Variants in ZMIZ1 observed in about 807,000 individuals in gnomAD.
ZMIZ1 encodes the protein zinc finger MIZ domain-containing protein 1.
Under a neutral mutation model 113.9 loss-of-function variants are expected in ZMIZ1, and 17 were observed. The ratio of observed to expected loss-of-function variants is 0.15; its 90% CI spans 0.10 to 0.22. The LOEUF (loss-of-function observed/expected upper bound fraction) is 0.22, where lower values mean the gene tolerates loss of function less well. ZMIZ1 is among the 10% of genes least tolerant of loss of function. ZMIZ1 has a pLI of 1.00. For synonymous variants in ZMIZ1, 607 were observed against 603.1 expected, an observed-to-expected ratio of 1.01 and a Z score of -0.09; for missense variants, 1,059 against 1,477.8, an observed-to-expected ratio of 0.72 and a Z score of 4.65.
chr10:79,222,360 C>T (rs2132738827), intron 7 of ZMIZ1, among the ~76,000 whole-genome samples: 1 of 152,304 alleles, frequency 6.6e-6, no homozygotes, highest in Middle Eastern at 3.4e-3. Context: ...CCTCCCCATC[C>T]TTCTCTATTG....
At chr10:79,303,390 GGCT>G (rs1474269454) in intron 18 of ZMIZ1, among the ~76,000 whole-genome samples, 1 of 150,476 alleles carries the variant, frequency 6.6e-6, no homozygotes, top group African/African-American at 2.5e-5. Context: ...GGGAGGTCGA[GGCT>G]GCAGTGAGCC....
intron 4 of ZMIZ1, among the ~76,000 whole-genome samples, chr10:79,173,877 A>C (rs1846706905): frequency 6.6e-6 from 1 of 152,140 alleles, no homozygotes; most frequent in Non-Finnish European, 1.5e-5. Context: ...TCTAACTTTC[A>C]AGCCTGAACC....
At chr10:79,306,529 G>A (rs1303820093) in intron 22 of ZMIZ1, among the ~76,000 whole-genome samples, 185 bp downstream of exon 22, 1 of 152,240 alleles carries the variant, frequency 6.6e-6, no homozygotes, top group Non-Finnish European at 1.5e-5. Flanking sequence ...TAGCCCAGGG[G>A]CTTCAGAGCC....
intron 4 of ZMIZ1, among the ~76,000 whole-genome samples, chr10:79,189,977 C>G (rs1847531759): frequency 6.6e-6 from 1 of 152,232 alleles, no homozygotes; most frequent in African/African-American, 2.4e-5. Flanking sequence ...GCACGCCCCT[C>G]CCATGCCATG....
chr10:79,205,501 C>A (rs1307338608), intron 5 of ZMIZ1, among the ~76,000 whole-genome samples: 1 of 152,220 alleles, frequency 6.6e-6, no homozygotes, highest in Non-Finnish European at 1.5e-5. Flanking sequence ...AAAAGAGAAA[C>A]AGAGAACCGT....
At chr10:79,298,266 G>C in intron 14 of ZMIZ1, 140 bp from the exon 15 acceptor site, 1 of 966,482 alleles carries the variant, frequency 1.0e-6, no homozygotes, top group Non-Finnish European at 1.5e-6. Flanking sequence ...CTGCGAGAGA[G>C]AAGAGTTTCC....
chr10:79,238,374 G>A (rs549142559), intron 7 of ZMIZ1, among the ~76,000 whole-genome samples: 6 of 152,292 alleles, frequency 3.9e-5, no homozygotes, highest in Admixed American at 2.6e-4. Context: ...TGGAGGATAC[G>A]CCCAGGAAGG....
chr10:79,303,756 G>A (rs923323724), intron 18 of ZMIZ1, among the ~76,000 whole-genome samples: 10 of 152,226 alleles, frequency 6.6e-5, no homozygotes, highest in Non-Finnish European at 1.5e-4. Flanking sequence ...GGCCTGCTCT[G>A]CAGAGACAGG....
At chr10:79,072,412 G>A (rs901598837) in intron 1 of ZMIZ1, among the ~76,000 whole-genome samples, 1 of 152,248 alleles carries the variant, frequency 6.6e-6, no homozygotes, top group Non-Finnish European at 1.5e-5. Context: ...CAACTGAGAA[G>A]AGCTGCAGAC....
chr10:79,263,758 GTC>G (rs1018112957), intron 7 of ZMIZ1, among the ~76,000 whole-genome samples: 1 of 152,080 alleles, frequency 6.6e-6, no homozygotes, highest in Non-Finnish European at 1.5e-5. Flanking sequence ...ACATGACAAG[GTC>G]TCTCGGTGCT....
Position 79,310,090 on chromosome 10 carries a change from C to G in ZMIZ1, c.2836-834C>G, listed in dbSNP as rs74142365. Among the ~76,000 whole-genome samples, 925 of 152,296 alleles carry G rather than the reference C, an allele frequency of 6.1e-3. 8 individuals carry two copies. Among genetic ancestry groups the G allele is most frequent in the African/African-American group, 0.021 (873 of 41,542 alleles). On this transcript the variant is annotated intron_variant, in intron 23 of 24. Coordinates refer to ENST00000334512, the MANE Select transcript of ZMIZ1 (RefSeq NM_020338.4). ...AGGAGGGTGCGAGTCCTCTAGTTAT[C>G]TGTTAGAGAGGCACCGCCAGCCTCA...
At chr10:79,075,198 T>A (rs1477972415) in intron 1 of ZMIZ1, among the ~76,000 whole-genome samples, 1 of 152,120 alleles carries the variant, frequency 6.6e-6, no homozygotes, top group African/African-American at 2.4e-5. Flanking sequence ...GTCGTGTTTT[T>A]CTGTAGAAAC....
intron 4 of ZMIZ1, among the ~76,000 whole-genome samples, chr10:79,172,211 C>T (rs1464077306): frequency 2.0e-5 from 3 of 152,086 alleles, no homozygotes; most frequent in African/African-American, 7.2e-5. Context: ...CCTAAGGGCA[C>T]ACTGTGACAC....
intron 23 of ZMIZ1, among the ~76,000 whole-genome samples, chr10:79,307,994 T>TA (rs1328491014): frequency 6.6e-6 from 1 of 152,206 alleles, no homozygotes; most frequent in Non-Finnish European, 1.5e-5. Context: ...TTCAGGGTAT[T>TA]ACCACCTCCA....
intron 7 of ZMIZ1, among the ~76,000 whole-genome samples, chr10:79,267,616 G>A (rs141943139): frequency 3.9e-5 from 6 of 152,334 alleles, no homozygotes; most frequent in South Asian, 2.1e-4. Flanking sequence ...CAGCTGCTAC[G>A]TGGCTGAGCT....
intron 2 of ZMIZ1, among the ~76,000 whole-genome samples, chr10:79,120,630 G>A (rs1192961772): frequency 6.6e-6 from 1 of 152,202 alleles, no homozygotes; most frequent in Non-Finnish European, 1.5e-5. Flanking sequence ...GTCCCTGTCC[G>A]CCTCCTATAC....
Position 79,305,554 on chromosome 10 carries a change from C to T in ZMIZ1, c.2376C>T (p.Gly792=). 3.1e-6 allele frequency: 5 copies of T among 1,614,120 alleles called. No individual in the cohort carries two copies. The highest frequency in any genetic ancestry group is 4.2e-6 in the Non-Finnish European group (5 of 1,180,024). The part of the protein sequence containing the change: ...PVCNKTALLE[G]LEVDQYMWGI... ...CCAGTAAAACCGCTCTGCTGGAGGG[C>T]CTGGAGGTGGATCAGTACATGTGGG... The change falls in exon 21 of 25, where the codon GGC becomes GGT. Residue 792 remains glycine, a synonymous_variant. Transcript: ENST00000334512.
chr10:79,253,996 A>ATT (rs1850719092), intron 7 of ZMIZ1, among the ~76,000 whole-genome samples: 1 of 152,148 alleles, frequency 6.6e-6, no homozygotes, highest in Non-Finnish European at 1.5e-5. Context: ...TGTAGCTTAA[A>ATT]TTTTTATTTT....
rs1280927814 is a variant in ZMIZ1, at chr10:79,312,711, A to G, written c.3166A>G (p.Ser1056Gly). ...GGACCCCCCCGACCTGCCGAGCAAT[A>G]GTAACGATGACCTCCTGTCTCTATT... ...YLDPPDLPSN[S>G]NDDLLSLFEN... Residue 1056 changes from serine to glycine, a missense_variant, in exon 25 of 25, where the codon AGT becomes GGT. Coordinates refer to ENST00000334512, the MANE Select transcript of ZMIZ1 (RefSeq NM_020338.4). 1.2e-6 allele frequency: 2 copies of G among 1,614,192 alleles called. No individual in the cohort carries two copies. The highest frequency in any genetic ancestry group is 1.7e-6 in the Non-Finnish European group (2 of 1,180,002).
Sources: allele counts gnomAD v4.1 joint callset (sites outside exome capture counted in the v4.1 genomes callset), GRCh38; gene constraint gnomAD v4.1.1; transcripts MANE v1.5; gene names NCBI Gene and HGNC (gene_info 2026-07-23, HGNC 2026-07-21).